The following BEGAIN variants were observed in gnomAD, a reference collection of about 807,000 sequenced individuals.
BEGAIN encodes the protein brain-enriched guanylate kinase-associated protein.
Under a neutral mutation model 35.8 loss-of-function variants are expected in BEGAIN, and 19 were observed. The ratio of observed to expected loss-of-function variants is 0.53; its 90% CI spans 0.37 to 0.78. The LOEUF is 0.78. BEGAIN is among the 30% of genes least tolerant of loss of function. The pLI, the probability that BEGAIN is intolerant of heterozygous loss-of-function variation, is 0.00. For missense variants in BEGAIN, 795 were observed against 853.6 expected (o/e 0.93, Z 0.85); for synonymous variants, 462 against 388.6 (o/e 1.19, Z -2.22).
intron 2 of BEGAIN, 55 bp from the exon 3 acceptor site, chr14:100,546,717 A>C: frequency 6.8e-7 from 1 of 1,472,722 alleles, no homozygotes; most frequent in South Asian, 1.3e-5. Flanking sequence ...GGGGAAACTA[A>C]GGCCCGCAGG....
chr14:100,551,704 C>A (rs976839743), intron 2 of BEGAIN, among the ~76,000 whole-genome samples: 2 of 152,098 alleles, frequency 1.3e-5, no homozygotes, highest in Non-Finnish European at 2.9e-5. Context: ...AATTTTGGTA[C>A]CCCCACCCCA....
chr14:100,558,844 C>T lies in BEGAIN; in HGVS notation c.71+9067G>A, dbSNP rs78541303. ...CAGCTACTCTCATCTGCTCTCAGCC[C>T]GAGACCTCCTTGAAACCAACGTCAG... On this transcript the variant is annotated intron_variant, in intron 2 of 6. Coordinates refer to ENST00000554140, the MANE Select transcript of BEGAIN (RefSeq NM_001385089.1). This position sits in a 1 kb window ranked among gnomAD's most constrained non-coding sequence, Gnocchi z 4.6. Among the ~76,000 whole-genome samples, 2,357 of 152,294 alleles carry T rather than the reference C, an allele frequency of 0.015. 63 individuals are homozygous for T. Among genetic ancestry groups the T allele is most frequent in the African/African-American group, 0.048 (2,015 of 41,550 alleles).
intron 1 of BEGAIN, among the ~76,000 whole-genome samples, chr14:100,582,200 A>G (rs1467532523): frequency 6.6e-6 from 1 of 152,082 alleles, no homozygotes; most frequent in Admixed American, 6.5e-5. Context: ...GCTAGAGTGC[A>G]GTGGCGCGAT....
At chr14:100,587,093 G>A (rs1054871624) in intron 1 of BEGAIN, among the ~76,000 whole-genome samples, 156 bp downstream of exon 1, 5 of 151,026 alleles carry the variant, frequency 3.3e-5, no homozygotes, top group African/African-American at 1.2e-4. Context: ...TCCCGGGCCA[G>A]TGAAGCCTCC....
chr14:100,545,776 G>A (rs1049146020), intron 3 of BEGAIN, among the ~76,000 whole-genome samples: 1 of 152,204 alleles, frequency 6.6e-6, no homozygotes, highest in East Asian at 1.9e-4. Flanking sequence ...AATGGAGGGT[G>A]ACATTCAAAA....
At chr14:100,562,681 T>C (rs1595137212) in intron 2 of BEGAIN, among the ~76,000 whole-genome samples, 1 of 151,644 alleles carries the variant, frequency 6.6e-6, no homozygotes, top group Admixed American at 6.6e-5. Context: ...CCGGTACACC[T>C]GCTGCTCCCT....
chr14:100,544,246 G>A (rs528346907), intron 4 of BEGAIN, among the ~76,000 whole-genome samples: 1 of 152,244 alleles, frequency 6.6e-6, no homozygotes, highest in Non-Finnish European at 1.5e-5. Context: ...TGGGAGTGGG[G>A]ACGGAGGACA....
At chr14:100,544,127 A>G (rs1467309422) in intron 4 of BEGAIN, among the ~76,000 whole-genome samples, 162 bp from the exon 5 acceptor site, 1 of 152,158 alleles carries the variant, frequency 6.6e-6, no homozygotes, top group African/African-American at 2.4e-5. Flanking sequence ...ACCCTGGTTC[A>G]ATTCCTGGGT....
intron 1 of BEGAIN, chr14:100,569,024 G>GCGCAGCCCGGC (rs1380157306): frequency 1.2e-6 from 1 of 856,222 alleles, no homozygotes; most frequent in African/African-American, 1.8e-5. Context: ...CCGGGCGAGG[G>GCGCAGCCCGGC]CGCAGCCCGG....
At chr14:100,554,088 G>A (rs1013178826) in intron 2 of BEGAIN, among the ~76,000 whole-genome samples, 3 of 152,200 alleles carry the variant, frequency 2.0e-5, no homozygotes, top group Non-Finnish European at 2.9e-5. Context: ...GGGCCCTGCC[G>A]GGCTGGGGGA....
intron 1 of BEGAIN, among the ~76,000 whole-genome samples, chr14:100,578,289 A>C (rs1187843803): frequency 1.3e-5 from 2 of 152,080 alleles, no homozygotes; most frequent in Non-Finnish European, 2.9e-5. Context: ...CCCCTCTCCT[A>C]CTCTCACATC....
chr14:100,567,538 T>G lies in BEGAIN; in HGVS notation c.71+373A>C, dbSNP rs1453132828. ...GTCGGGGGAGAGAGCGCCGGGGCAGTGCGGAACGGCACGAACGGAACCCGG... is the reference window on the plus strand; with the variant it reads ...GTCGGGGGAGAGAGCGCCGGGGCAGGGCGGAACGGCACGAACGGAACCCGG... On this transcript the variant is annotated intron_variant, in intron 2 of 6. Coordinates refer to ENST00000554140, the MANE Select transcript of BEGAIN (RefSeq NM_001385089.1). This position sits in a 1 kb window ranked among gnomAD's most constrained non-coding sequence, Gnocchi z 5.1. 2.6e-5 allele frequency among the ~76,000 whole-genome samples: 4 copies of G among 151,530 alleles called. No individual in the cohort carries two copies. The highest frequency in any genetic ancestry group is 5.9e-5 in the Non-Finnish European group (4 of 67,814).
intron 1 of BEGAIN, chr14:100,569,062 CCCG>C: frequency 1.9e-6 from 1 of 523,534 alleles, no homozygotes; most frequent in Non-Finnish European, 2.5e-6. Context: ...AAGGCCCGGC[CCCG>C]GGGCCTCGGC....
chr14:100,582,870 A>T (rs77221188), intron 1 of BEGAIN, among the ~76,000 whole-genome samples: 3,385 of 151,916 alleles, frequency 0.022, 125 homozygotes, highest in African/African-American at 0.078. Context: ...CTGTCTGATC[A>T]GCCCCCTCCT....
Position 100,537,615 on chromosome 14 carries a change from G to A in BEGAIN, c.*354C>T. On this transcript the variant is annotated 3_prime_UTR_variant, in exon 7 of 7. Transcript: ENST00000554140. ...AATAAAGGAGCTTTGTGTTGAAAAC[G>A]CCAAGGCAGCCGTCCAGGGAGCTGG... 4.4e-6 allele frequency: 1 copy of A among 229,664 alleles called. No homozygotes were observed. The highest frequency in any genetic ancestry group is 8.5e-6 in the Non-Finnish European group (1 of 118,018). 14.2% of individuals were successfully genotyped at this position (229,664 alleles called of 1,614,324 possible). A position where few individuals can be genotyped will look rare whatever the true frequency, so the allele number is the denominator to read the frequency against.
rs2034750165 is a variant in BEGAIN at position 100,567,093 on chromosome 14, A to T, written c.71+818T>A. 6.6e-6 allele frequency among the ~76,000 whole-genome samples: 1 copy of T among 152,136 alleles called. No homozygotes were observed. On this transcript the variant is annotated intron_variant, in intron 2 of 6. Transcript: ENST00000554140. This position sits in a 1 kb window ranked among gnomAD's most constrained non-coding sequence, Gnocchi z 5.1. Reference sequence around the variant, plus strand: ...GGCGAGGACGGAGACCCTGTGGGCCAGGGGAGACAGTGCTGAAACCCAGCA... The same window carrying T: ...GGCGAGGACGGAGACCCTGTGGGCCTGGGGAGACAGTGCTGAAACCCAGCA...
Position 100,568,343 on chromosome 14 carries a change from G to T in BEGAIN, c.43-404C>A. 1 of 598,718 alleles carries T rather than the reference G, an allele frequency of 1.7e-6. No homozygotes were observed. Among genetic ancestry groups the T allele is most frequent in the Non-Finnish European group, 2.5e-6 (1 of 406,696 alleles). 37.1% of individuals were successfully genotyped at this position (598,718 alleles called of 1,614,324 possible). A position where few individuals can be genotyped will look rare whatever the true frequency, so the allele number is the denominator to read the frequency against. ...CGCCCGTTAACCCTTCCTGCCCCGC[G>T]CTCCCTCCCGGAGGAAGCCGAACCC... is the stretch of plus-strand genomic sequence containing the variant. On this transcript the variant is annotated intron_variant, in intron 1 of 6. Coordinates refer to ENST00000554140, the MANE Select transcript of BEGAIN (RefSeq NM_001385089.1). The surrounding 1 kb of genome is among the most constrained non-coding windows in gnomAD (Gnocchi z 7.5).
At chr14:100,541,427 C>T (rs1387448088) in intron 5 of BEGAIN, among the ~76,000 whole-genome samples, 1 of 152,220 alleles carries the variant, frequency 6.6e-6, no homozygotes, top group Non-Finnish European at 1.5e-5. Context: ...CTGTCTCTGA[C>T]ACAGGCACCT....
intron 2 of BEGAIN, among the ~76,000 whole-genome samples, chr14:100,559,883 C>T (rs1013569074): frequency 2.0e-5 from 3 of 152,226 alleles, no homozygotes; most frequent in Non-Finnish European, 2.9e-5. Flanking sequence ...GGAGGGTTGT[C>T]AGCAGCAGCA....
Sources: gnomAD v4.1 joint callset for allele counts (sites outside exome capture counted in the v4.1 genomes callset) on GRCh38, gnomAD v4.1.1 for gene constraint, Gnocchi (gnomAD v3.1) non-coding constraint, MANE v1.5 for transcripts, NCBI Gene and HGNC (gene_info 2026-07-23, HGNC 2026-07-21) for gene names.